Variants in U2SURP observed in about 807,000 individuals in gnomAD.
U2SURP encodes U2 snRNP-associated SURP motif-containing protein.
U2SURP carries 9 observed loss-of-function variants against 144.9 expected under a neutral mutation model. The ratio of observed to expected loss-of-function variants is 0.06; its 90% CI spans 0.04 to 0.11. The LOEUF (loss-of-function observed/expected upper bound fraction) is 0.11. Ranked by LOEUF, U2SURP falls within the 10% of genes least tolerant of loss-of-function variation. The probability of loss-of-function intolerance (pLI) is 1.00; values close to 1 mark genes in which losing one functional copy is unlikely to be tolerated. For synonymous variants in U2SURP, 408 were observed against 396.8 expected (o/e 1.03, Z -0.33); for missense variants, 724 against 1,226.7 (o/e 0.59, Z 6.12).
At chr3:143,027,652 A>C (rs903244067) in intron 14 of U2SURP, among the ~76,000 whole-genome samples, 1 of 152,192 alleles carries the variant, frequency 6.6e-6, no homozygotes, top group African/African-American at 2.4e-5. Context: ...ATTCCATTAT[A>C]TGTATTTACT....
intron 24 of U2SURP, among the ~76,000 whole-genome samples, chr3:143,045,350 CAG>C (rs938632249): frequency 8.4e-6 from 1 of 118,484 alleles, no homozygotes; most frequent in African/African-American, 3.3e-5. Context: ...GCCTGGGCGA[CAG>C]AGTGAGACGC....
Position 143,038,133 on chromosome 3 carries a change from G to T in U2SURP, c.2247G>T (p.Lys749Asn), listed in dbSNP as rs760481186. The change falls in exon 22 of 28, where the codon AAG (lysine) becomes AAT (asparagine). Residue 749 changes from lysine to asparagine, a missense_variant. Coordinates refer to ENST00000473835, the MANE Select transcript of U2SURP (RefSeq NM_001080415.2). ...VPLDATEDSK[K>N]NEPIFKVAPS... Reference sequence around the variant, plus strand: ...TGGATGCAACTGAAGACTCAAAAAAGAATGAGCCTATATTTAAAGTTGCCC... The same window carrying T: ...TGGATGCAACTGAAGACTCAAAAAATAATGAGCCTATATTTAAAGTTGCCC... 6.2e-7 allele frequency: 1 copy of T among 1,606,746 alleles called. No homozygotes were observed. Among genetic ancestry groups the T allele is most frequent in the Non-Finnish European group, 8.5e-7 (1 of 1,176,740 alleles).
At position 143,029,760 on chromosome 3, in the gene U2SURP, CAG is replaced by C. The variant is rs559968092; in HGVS notation, c.1610+1115_1610+1116del. Among the ~76,000 whole-genome samples, 36 of 152,292 alleles carry C rather than the reference CAG, an allele frequency of 2.4e-4. No individual in the cohort carries two copies. The South Asian group carries it at 7.5e-3, about 32-fold the overall frequency. The stretch of plus-strand genomic sequence containing the variant: ...TGAAAGCTAGGCCTCTTGCACCAAA[CAG>C]TGAGCCAAGTTATCAATGCAAAGGA... On this transcript the variant is annotated intron_variant, in intron 16 of 27. Transcript: ENST00000473835.
intron 21 of U2SURP, among the ~76,000 whole-genome samples, 166 bp downstream of exon 21, chr3:143,037,501 A>G (rs1933877926): frequency 6.6e-6 from 1 of 152,176 alleles, no homozygotes; most frequent in Non-Finnish European, 1.5e-5. Context: ...ACCCAGTAAT[A>G]CATTTATTTG....
At position 143,037,211 on chromosome 3, in the gene U2SURP, C is replaced by T. The variant is rs985785655; in HGVS notation, c.2097C>T (p.Ile699=). 4.2e-5 allele frequency: 68 copies of T among 1,611,984 alleles called. No individual in the cohort carries two copies. Among genetic ancestry groups the T allele is most frequent in the Non-Finnish European group, 5.3e-5 (62 of 1,179,024 alleles). The change falls in exon 21 of 28, where the codon ATC becomes ATT. Residue 699 remains isoleucine, a synonymous_variant. Transcript: ENST00000473835. ...DVPDDLDGAP[I]EEELDGAPLE... is the part of the protein sequence containing the mutation. ...CAGATGACCTTGATGGTGCCCCCAT[C>T]GAGGAAGAGCTTGATGGTGCACCTC...
chr3:143,042,849 C>G (rs1934190055), intron 23 of U2SURP, among the ~76,000 whole-genome samples: 1 of 152,118 alleles, frequency 6.6e-6, no homozygotes, highest in Non-Finnish European at 1.5e-5. Context: ...AAATGGAAGG[C>G]ACACAGATAA....
intron 25 of U2SURP, among the ~76,000 whole-genome samples, chr3:143,051,477 A>G (rs1399744396): frequency 6.6e-6 from 1 of 152,044 alleles, no homozygotes; most frequent in Non-Finnish European, 1.5e-5. Context: ...CAAGTGGTAG[A>G]ATACCTCATT....
chr3:143,026,205 CAT>C (rs1349230662), intron 13 of U2SURP: 1 of 152,048 alleles, frequency 6.6e-6, no homozygotes, highest in African/African-American at 2.4e-5. Context: ...TAAAATATCA[CAT>C]GATTTTAGGA....
chr3:143,048,267 T>G (rs912368351), intron 24 of U2SURP, among the ~76,000 whole-genome samples: 4 of 152,232 alleles, frequency 2.6e-5, no homozygotes, highest in Non-Finnish European at 4.4e-5. Context: ...TCAGTTAGAC[T>G]GTATCAGCAG....
At chr3:143,047,872 C>T (rs1160741986) in intron 24 of U2SURP, among the ~76,000 whole-genome samples, 2 of 81,902 alleles carry the variant, frequency 2.4e-5, no homozygotes, top group African/African-American at 5.5e-5. Context: ...GCTGGCCGGG[C>T]GGGGGGCTGA....
At chr3:143,009,066 T>G (rs1176907025) in intron 1 of U2SURP, among the ~76,000 whole-genome samples, 1 of 152,254 alleles carries the variant, frequency 6.6e-6, no homozygotes, top group Non-Finnish European at 1.5e-5. Flanking sequence ...TTCAGTCCCT[T>G]CAGCCTCTTG....
intron 6 of U2SURP, among the ~76,000 whole-genome samples, chr3:143,018,582 G>A (rs1457203744): frequency 6.6e-6 from 1 of 151,960 alleles, no homozygotes; most frequent in African/African-American, 2.4e-5. Flanking sequence ...CACACACCGA[G>A]AAGTGGAATT....
intron 10 of U2SURP, among the ~76,000 whole-genome samples, chr3:143,021,852 C>G (rs1936651312): frequency 6.6e-6 from 1 of 152,178 alleles, no homozygotes; most frequent in Non-Finnish European, 1.5e-5. Flanking sequence ...CTGATGCATA[C>G]TTGTTTCCTT....
rs887466403 is a variant in U2SURP, at chr3:143,058,678, G to C, written c.*2228G>C. 6.6e-6 allele frequency: 1 copy of C among 151,804 alleles called. No individual in the cohort carries two copies. Among genetic ancestry groups the C allele is most frequent in the Admixed American group, 6.6e-5 (1 of 15,228 alleles). The allele number at this position is 151,804 out of a possible 1,614,324, so 9.4% of individuals were successfully genotyped here. On this transcript the variant is annotated 3_prime_UTR_variant, in exon 28 of 28. Coordinates refer to ENST00000473835, the MANE Select transcript of U2SURP (RefSeq NM_001080415.2). The stretch of plus-strand genomic sequence containing the variant: ...TACTTAATACTCCCATGGATTCTAT[G>C]AAAGTTTAATGGGATCAGAAATTGG...
At chr3:143,040,335 A>G (rs1934038927) in intron 23 of U2SURP, among the ~76,000 whole-genome samples, 1 of 151,916 alleles carries the variant, frequency 6.6e-6, no homozygotes, top group East Asian at 1.9e-4. Context: ...TAGATTTTTC[A>G]TTTTTCTTAG....
chr3:143,033,408 C>A, intron 18 of U2SURP, 58 bp downstream of exon 18: 1 of 924,282 alleles, frequency 1.1e-6, no homozygotes. Flanking sequence ...GTAAGGAGTT[C>A]AGAAAAGAGG....
At chr3:143,039,246 A>G (rs1224765222) in intron 23 of U2SURP, among the ~76,000 whole-genome samples, 5 of 151,816 alleles carry the variant, frequency 3.3e-5, no homozygotes, top group African/African-American at 4.8e-5. Flanking sequence ...TTTGCCATCA[A>G]ATACTGTTTT....
rs186013558 is a variant in U2SURP at position 143,059,472 on chromosome 3, G to T, written c.*3022G>T. 13 of 151,990 alleles carry T rather than the reference G, an allele frequency of 8.6e-5. No homozygotes were observed. The East Asian group carries it at 2.5e-3, about 29-fold the overall frequency. 9.4% of individuals were successfully genotyped at this position (151,990 alleles called of 1,614,324 possible). On this transcript the variant is annotated 3_prime_UTR_variant, in exon 28 of 28. Coordinates refer to ENST00000473835, the MANE Select transcript of U2SURP (RefSeq NM_001080415.2). ...AAATTTTAACTGTGATTAAATTTAG[G>T]TTTATTAGAAATATTCTGTACACAT...
intron 3 of U2SURP, among the ~76,000 whole-genome samples, chr3:143,012,662 C>T (rs911378390): frequency 3.3e-5 from 5 of 152,064 alleles, no homozygotes; most frequent in African/African-American, 7.2e-5. Flanking sequence ...GAACCAAGTG[C>T]GAAATACCAG....
Sources: allele counts gnomAD v4.1 joint callset (sites outside exome capture counted in the v4.1 genomes callset), GRCh38; gene constraint gnomAD v4.1.1; transcripts MANE v1.5; gene names NCBI Gene and HGNC (gene_info 2026-07-23, HGNC 2026-07-21).